CACNA1C: variants seen among roughly 807,000 people sequenced by gnomAD.
CACNA1C encodes the protein voltage-dependent L-type calcium channel subunit alpha-1C.
CACNA1C carries 30 observed loss-of-function variants against 229.0 expected under a neutral mutation model. The observed-to-expected ratio is 0.13, with a 90% confidence interval of 0.10 to 0.18. The LOEUF (loss-of-function observed/expected upper bound fraction) is 0.18, where lower values mean the gene tolerates loss of function less well. Ranked by LOEUF, CACNA1C falls within the 10% of genes least tolerant of loss-of-function variation. CACNA1C has a pLI of 1.00. For synonymous variants in CACNA1C, 1,114 were observed against 1,132.5 expected, an observed-to-expected ratio of 0.98 and a Z score of 0.33; for missense variants, 1,658 against 2,845.0, an observed-to-expected ratio of 0.58 and a Z score of 9.49.
At chr12:2,048,219 A>G (rs750796046), upstream of CACNA1C, 1 of 152,238 alleles carries the variant, frequency 6.6e-6, no homozygotes, top group Non-Finnish European at 1.5e-5. Context: ...AATAGGTTCC[A>G]GCTTAGTGAA....
rs1190894825 is a variant in CACNA1C, at chr12:2,556,093, C to A, written c.1482-858C>A. ...GCACCAAAGCCAAGCTGACAGGTGC[C>A]TTCTAATGGTCTCAACTGCTTACAT... On this transcript the variant is annotated intron_variant, in intron 10 of 46. Coordinates refer to ENST00000399655, the MANE Select transcript of CACNA1C (RefSeq NM_000719.7). 2.0e-5 allele frequency among the ~76,000 whole-genome samples: 3 copies of A among 152,186 alleles called. No homozygotes were observed. The South Asian group carries it at 6.2e-4, about 32-fold the overall frequency.
intron 31 of CACNA1C, among the ~76,000 whole-genome samples, chr12:2,650,637 T>C (rs947418409): frequency 4.6e-5 from 7 of 152,130 alleles, no homozygotes; most frequent in African/African-American, 1.7e-4. Context: ...GTTCTCAGGT[T>C]TGGAGGCAGA....
At position 2,275,243 on chromosome 12, in the gene CACNA1C, G is replaced by T. The variant is rs912848931; in HGVS notation, c.477+154813G>T. ...CATCAGCAATGTTAGCCCGGCAAAC[G>T]TGATCTTTCTTTCCTTTGCCCAATA... On this transcript the variant is annotated intron_variant, in intron 3 of 46. Transcript: ENST00000399655. The surrounding 1 kb of genome is among the most constrained non-coding windows in gnomAD (Gnocchi z 4.1). Among the ~76,000 whole-genome samples, 1 of 152,174 alleles carries T rather than the reference G, an allele frequency of 6.6e-6. No homozygotes were observed. The highest frequency in any genetic ancestry group is 2.4e-5 in the African/African-American group (1 of 41,436).
rs927265566 is a variant in CACNA1C, at chr12:2,630,663, G to A, written c.3829-3634G>A. ...CAGGGTGAAGAGCTGCCTCTTAAAG[G>A]GACCCTGTTTGTGCCCAGACATGTA... On this transcript the variant is annotated intron_variant, in intron 29 of 46. Transcript: ENST00000399655. The surrounding 1 kb of genome is among the most constrained non-coding windows in gnomAD (Gnocchi z 5.4). Among the ~76,000 whole-genome samples the A allele has an allele frequency of 1.3e-5, 2 of 152,154 alleles. No individual in the cohort carries two copies. Among genetic ancestry groups the A allele is most frequent in the African/African-American group, 4.8e-5 (2 of 41,424 alleles).
chr12:2,325,623 CA>C, intron 3 of CACNA1C, among the ~76,000 whole-genome samples: 1 of 152,250 alleles, frequency 6.6e-6, no homozygotes, highest in Admixed American at 6.5e-5. Flanking sequence ...ACACAAAGTG[CA>C]CAGCACAGAG....
chr12:2,634,204 T>C, intron 29 of CACNA1C, 93 bp from the exon 30 acceptor site: 1 of 376,190 alleles, frequency 2.7e-6, no homozygotes, highest in Non-Finnish European at 4.6e-6. Flanking sequence ...CTTTTTTTTT[T>C]TTTTTTTCAT....
rs192681791 is a variant in CACNA1C, at chr12:2,467,123, C to G, written c.757+9417C>G. On this transcript the variant is annotated intron_variant, in intron 5 of 46. Coordinates refer to ENST00000399655, the MANE Select transcript of CACNA1C (RefSeq NM_000719.7). The surrounding 1 kb of genome is among the most constrained non-coding windows in gnomAD (Gnocchi z 4.6). ...CACACAGCGCTGGAGGCTGCCTGGT[C>G]CCCCTGCCCGCCCATCGGAGATGGT... is the stretch of plus-strand genomic sequence containing the variant. Among the ~76,000 whole-genome samples, 2 of 152,128 alleles carry G rather than the reference C, an allele frequency of 1.3e-5. No homozygotes were observed. Among genetic ancestry groups the G allele is most frequent in the Non-Finnish European group, 2.9e-5 (2 of 68,010 alleles).
rs559291823 is a variant in CACNA1C at position 2,140,229 on chromosome 12, G to A, written c.477+19799G>A. On this transcript the variant is annotated intron_variant, in intron 3 of 46. Coordinates refer to ENST00000399655, the MANE Select transcript of CACNA1C (RefSeq NM_000719.7). ...CCCAGCTCACTCTGGGAACAGTCACGGTGGGTGGACGATTTGCAGAATGGT... is the reference window on the plus strand; with the variant it reads ...CCCAGCTCACTCTGGGAACAGTCACAGTGGGTGGACGATTTGCAGAATGGT... 1.3e-5 allele frequency among the ~76,000 whole-genome samples: 2 copies of A among 151,298 alleles called. 1 individual carries two copies. Among genetic ancestry groups the A allele is most frequent in the Non-Finnish European group, 3.0e-5 (2 of 67,600 alleles).
Position 2,268,514 on chromosome 12 carries a change from G to A in CACNA1C, c.477+148084G>A, listed in dbSNP as rs887544263. ...GCAAATGCTCCTGGGCAGGCTGGGG[G>A]TGTGGGGAGTGTTGGCTGGAGTGGG... On this transcript the variant is annotated intron_variant, in intron 3 of 46. Coordinates refer to ENST00000399655, the MANE Select transcript of CACNA1C (RefSeq NM_000719.7). 4.6e-5 allele frequency among the ~76,000 whole-genome samples: 7 copies of A among 152,214 alleles called. No individual in the cohort carries two copies. In the South Asian group the frequency reaches 1.4e-3, roughly 31 times the overall value.
At position 2,076,842 on chromosome 12, in the gene CACNA1C, G is replaced by T. The variant is rs191556570; in HGVS notation, c.49+23231G>T. 2.0e-5 allele frequency among the ~76,000 whole-genome samples: 3 copies of T among 152,266 alleles called. No homozygotes were observed. The East Asian group carries it at 5.8e-4, about 29-fold the overall frequency. On this transcript the variant is annotated intron_variant, in intron 1 of 46. Coordinates refer to ENST00000399655, the MANE Select transcript of CACNA1C (RefSeq NM_000719.7). ...GGGAGACCTCTGGCTCTTTAAACAC[G>T]CAGTTGCTGTGTGTGAAGGACACTG... is the stretch of plus-strand genomic sequence containing the variant.
chr12:2,260,623 C>T (rs902687013), intron 3 of CACNA1C, among the ~76,000 whole-genome samples: 16 of 152,160 alleles, frequency 1.1e-4, no homozygotes, highest in African/African-American at 2.2e-4. Flanking sequence ...GTCCTGGAGT[C>T]GGGGTAGCAT....
At chr12:2,615,124 A>T (rs1476421926) in intron 29 of CACNA1C, among the ~76,000 whole-genome samples, 5 of 152,160 alleles carry the variant, frequency 3.3e-5, no homozygotes, top group Non-Finnish European at 7.3e-5. Context: ...GTGAACAGTG[A>T]CCCAGAAGGA....
chr12:2,125,279 C>G (rs74392746), intron 3 of CACNA1C, among the ~76,000 whole-genome samples: 1 of 151,822 alleles, frequency 6.6e-6, no homozygotes, highest in South Asian at 2.1e-4. Flanking sequence ...ATTGGCCTGA[C>G]TGAGAAGAGC....
At chr12:2,060,504 C>A (rs1018517946) in intron 1 of CACNA1C, among the ~76,000 whole-genome samples, 1 of 152,220 alleles carries the variant, frequency 6.6e-6, no homozygotes, top group Non-Finnish European at 1.5e-5. Flanking sequence ...ACATTCCCAT[C>A]TTCCTTGAAG....
chr12:2,514,178 G>C (rs549255078), intron 9 of CACNA1C, among the ~76,000 whole-genome samples: 2 of 152,198 alleles, frequency 1.3e-5, no homozygotes, highest in East Asian at 3.8e-4. Context: ...CCTGAGCAGA[G>C]AGGATGATGA....
At chr12:2,438,497 G>T (rs957079504) in intron 3 of CACNA1C, among the ~76,000 whole-genome samples, 5 of 151,974 alleles carry the variant, frequency 3.3e-5, no homozygotes, top group Non-Finnish European at 7.4e-5. Flanking sequence ...GAGCTGCATC[G>T]TGGAGGAGTA....
intron 3 of CACNA1C, among the ~76,000 whole-genome samples, chr12:2,290,595 G>A (rs897097045): frequency 1.3e-5 from 2 of 152,180 alleles, no homozygotes; most frequent in East Asian, 1.9e-4. Flanking sequence ...TGGGAAGGTG[G>A]CAGTGGAAAC....
chr12:2,458,981 CTTTTTTTTT>C (rs71057826), intron 5 of CACNA1C, among the ~76,000 whole-genome samples: 3,392 of 105,680 alleles, frequency 0.032, 70 homozygotes, highest in Middle Eastern at 0.086. Flanking sequence ...CTTTTTCTTT[CTTTTTTTTT>C]TTTTTTTTTT....
At chr12:2,634,196 T>C (rs1197573484) in intron 29 of CACNA1C, 101 bp from the exon 30 acceptor site, 5 of 40,644 alleles carry the variant, frequency 1.2e-4, no homozygotes, top group Non-Finnish European at 2.3e-4. Flanking sequence ...TTCCATACCT[T>C]TTTTTTTTTT....
Sources: allele counts gnomAD v4.1 joint callset (sites outside exome capture counted in the v4.1 genomes callset), GRCh38; gene constraint gnomAD v4.1.1; non-coding constraint Gnocchi (gnomAD v3.1); transcripts MANE v1.5; gene names NCBI Gene and HGNC (gene_info 2026-07-23, HGNC 2026-07-21).